MACROD2: variants seen among roughly 807,000 people sequenced by gnomAD.
MACROD2 encodes mono-ADP ribosylhydrolase 2, also known as ADP-ribose glycohydrolase MACROD2.
MACROD2 carries 36 observed loss-of-function variants against 70.4 expected under a neutral mutation model. The observed-to-expected ratio is 0.51, with a 90% CI of 0.39 to 0.68. The LOEUF is 0.68. MACROD2 is among the 30% of genes least tolerant of loss of function. The pLI, the probability that MACROD2 is intolerant of heterozygous loss-of-function variation, is 0.00. For missense variants in MACROD2, 496 were observed against 538.4 expected, an observed-to-expected ratio of 0.92 and a Z score of 0.78; for synonymous variants, 172 against 178.8, an observed-to-expected ratio of 0.96 and a Z score of 0.30.
At chr20:15,980,774 TA>T (rs942990809) in intron 13 of MACROD2, among the ~76,000 whole-genome samples, 1 of 152,254 alleles carries the variant, frequency 6.6e-6, no homozygotes, top group African/African-American at 2.4e-5. Flanking sequence ...TTTTAGCTGC[TA>T]GCAAGTACTT....
At chr20:14,362,162 T>G (rs2083228015) in intron 3 of MACROD2, among the ~76,000 whole-genome samples, 1 of 152,222 alleles carries the variant, frequency 6.6e-6, no homozygotes, top group Non-Finnish European at 1.5e-5. Flanking sequence ...TAATGACTTT[T>G]GGTCTTCAAA....
rs1231822910 is a variant in MACROD2, at chr20:16,050,881, A to G, written c.*1005A>G. ...ACAGGAAATTAGAGCTTTTGCTTGC[A>G]GTTCTGCCTTCCTGGCCTGTGTTTA... is the stretch of plus-strand genomic sequence containing the variant. On this transcript the variant is annotated 3_prime_UTR_variant, in exon 18 of 18. Coordinates refer to ENST00000684519, the MANE Select transcript of MACROD2 (RefSeq NM_001351661.2). 6.6e-6 allele frequency: 1 copy of G among 152,300 alleles called. No individual in the cohort carries two copies. Among genetic ancestry groups the G allele is most frequent in the Non-Finnish European group, 1.5e-5 (1 of 68,076 alleles). The allele number at this position is 152,300 out of a possible 1,614,324, so 9.4% of individuals were successfully genotyped here.
intron 8 of MACROD2, among the ~76,000 whole-genome samples, chr20:15,755,302 C>T (rs1034356878): frequency 2.0e-5 from 3 of 152,116 alleles, no homozygotes; most frequent in Non-Finnish European, 4.4e-5. Flanking sequence ...ATGTGGGTTG[C>T]CATGAGTCCT....
chr20:14,628,246 G>A (rs1199173398), intron 4 of MACROD2, among the ~76,000 whole-genome samples: 1 of 152,228 alleles, frequency 6.6e-6, no homozygotes, highest in Non-Finnish European at 1.5e-5. Flanking sequence ...AGGCAGGGGA[G>A]TGATATAGTC....
At chr20:14,351,252 T>C (rs544241197) in intron 3 of MACROD2, among the ~76,000 whole-genome samples, 106 of 152,252 alleles carry the variant, frequency 7.0e-4, no homozygotes, top group Non-Finnish European at 1.1e-3. Context: ...TTGTTGTTGT[T>C]CCACATAATT....
intron 5 of MACROD2, among the ~76,000 whole-genome samples, chr20:14,728,174 G>T (rs758030961): frequency 6.6e-6 from 1 of 152,092 alleles, no homozygotes; most frequent in East Asian, 1.9e-4. Flanking sequence ...GGAAGAAAAT[G>T]AAGTATTCTG....
intron 6 of MACROD2, among the ~76,000 whole-genome samples, chr20:15,327,458 A>C (rs976295201): frequency 6.6e-6 from 1 of 152,168 alleles, no homozygotes; most frequent in Non-Finnish European, 1.5e-5. Context: ...TGGAATCCTC[A>C]GGAAACTTAA....
chr20:15,423,815 G>T (rs978206849), intron 6 of MACROD2, among the ~76,000 whole-genome samples: 1 of 151,828 alleles, frequency 6.6e-6, no homozygotes, highest in Non-Finnish European at 1.5e-5. Context: ...TACTCCCCTC[G>T]TGGAGTGTCT....
At chr20:14,604,426 C>T (rs1158424424) in intron 4 of MACROD2, among the ~76,000 whole-genome samples, 1 of 152,168 alleles carries the variant, frequency 6.6e-6, no homozygotes, top group East Asian at 1.9e-4. Context: ...TACAGGCATA[C>T]TCCACATTGA....
At chr20:14,501,650 T>G (rs1447212137) in intron 4 of MACROD2, among the ~76,000 whole-genome samples, 4 of 152,090 alleles carry the variant, frequency 2.6e-5, no homozygotes, top group Admixed American at 6.6e-5. Context: ...TAACTCTTTT[T>G]AAAAAAATAG....
At chr20:15,582,676 G>T (rs1394625557) in intron 8 of MACROD2, among the ~76,000 whole-genome samples, 1 of 152,120 alleles carries the variant, frequency 6.6e-6, no homozygotes, top group African/African-American at 2.4e-5. Context: ...GAATCCACTG[G>T]CATTCTGTTC....
At chr20:14,739,804 C>A (rs1330100176) in intron 5 of MACROD2, among the ~76,000 whole-genome samples, 1 of 151,780 alleles carries the variant, frequency 6.6e-6, no homozygotes, top group Admixed American at 6.6e-5. Context: ...TTGATATATT[C>A]ACATAATAAA....
intron 8 of MACROD2, among the ~76,000 whole-genome samples, chr20:15,573,133 G>C (rs148009580): frequency 1.7e-3 from 261 of 152,150 alleles, no homozygotes; most frequent in Admixed American, 4.1e-3. Flanking sequence ...GCAATGTGTT[G>C]GCATAGTTCA....
chr20:15,378,092 T>C (rs1288837357), intron 6 of MACROD2, among the ~76,000 whole-genome samples: 5 of 151,400 alleles, frequency 3.3e-5, no homozygotes, highest in Non-Finnish European at 5.9e-5. Flanking sequence ...TATACCTATG[T>C]AACAAACCTG....
chr20:15,280,564 G>A (rs2077434881), intron 6 of MACROD2, among the ~76,000 whole-genome samples: 1 of 152,192 alleles, frequency 6.6e-6, no homozygotes, highest in African/African-American at 2.4e-5. Flanking sequence ...GTGTCTTTCT[G>A]AAGAGAAATC....
rs919330086 is a variant in MACROD2 at position 15,434,537 on chromosome 20, G to A, written c.571+3102G>A. On this transcript the variant is annotated intron_variant, in intron 7 of 17. Transcript: ENST00000684519. Reference sequence around the variant, plus strand: ...AAAAACAATAGATGTTGTGGTGGATGTGGTGGAAAGGGAACACATTTACAC... The same window carrying A: ...AAAAACAATAGATGTTGTGGTGGATATGGTGGAAAGGGAACACATTTACAC... 2.0e-5 allele frequency among the ~76,000 whole-genome samples: 3 copies of A among 152,146 alleles called. No homozygotes were observed. The East Asian group carries it at 5.8e-4, about 29-fold the overall frequency.
intron 8 of MACROD2, among the ~76,000 whole-genome samples, chr20:15,828,223 C>T (rs1454714344): frequency 1.3e-5 from 2 of 152,138 alleles, no homozygotes; most frequent in Non-Finnish European, 2.9e-5. Context: ...CAAAACATCA[C>T]ATTGTATACC....
chr20:15,650,828 T>C (rs1029318069), intron 8 of MACROD2, among the ~76,000 whole-genome samples: 2 of 152,164 alleles, frequency 1.3e-5, no homozygotes, highest in African/African-American at 4.8e-5. Context: ...GAGAACCCCT[T>C]GCGCTTGCCA....
intron 5 of MACROD2, among the ~76,000 whole-genome samples, chr20:15,078,427 A>G (rs1316386908): frequency 6.6e-6 from 1 of 152,218 alleles, no homozygotes; most frequent in Non-Finnish European, 1.5e-5. Flanking sequence ...AATGTCAGGC[A>G]CACACAGAAA....
Sources: allele counts gnomAD v4.1 joint callset (sites outside exome capture counted in the v4.1 genomes callset), GRCh38; gene constraint gnomAD v4.1.1; transcripts MANE v1.5; gene names NCBI Gene and HGNC (gene_info 2026-07-23, HGNC 2026-07-21).